SCFD2: variants seen among roughly 807,000 people sequenced by gnomAD.
SCFD2 encodes the protein sec1 family domain-containing protein 2.
Under a neutral mutation model 58.9 loss-of-function variants are expected in SCFD2, and 54 were observed. The observed-to-expected ratio is 0.92, with a 90% CI of 0.74 to 1.15. The LOEUF (loss-of-function observed/expected upper bound fraction) is 1.15. SCFD2 is among the 50% of genes most tolerant of loss of function. The pLI, the probability that SCFD2 is intolerant of heterozygous loss-of-function variation, is 0.00. For synonymous variants in SCFD2, 321 were observed against 335.9 expected, an observed-to-expected ratio of 0.96 and a Z score of 0.49; for missense variants, 805 against 836.6, an observed-to-expected ratio of 0.96 and a Z score of 0.47.
chr4:53,258,476 G>T (rs1182399752), intron 4 of SCFD2, among the ~76,000 whole-genome samples: 2 of 147,776 alleles, frequency 1.4e-5, no homozygotes, highest in Non-Finnish European at 3.0e-5. Flanking sequence ...TTCCATCAAG[G>T]TTGCTGCAAA....
At chr4:52,963,057 C>G (rs1249486450) in intron 5 of SCFD2, among the ~76,000 whole-genome samples, 1 of 152,126 alleles carries the variant, frequency 6.6e-6, no homozygotes, top group African/African-American at 2.4e-5. Context: ...CCTCCCCCAG[C>G]GCAACACACA....
rs146812048 is a variant in SCFD2 at position 52,947,257 on chromosome 4, G to A, written c.1562-26387C>T. Among the ~76,000 whole-genome samples the A allele has an allele frequency of 4.9e-3, 744 of 152,274 alleles. 8 individuals carry two copies. Among genetic ancestry groups the A allele is most frequent in the African/African-American group, 0.017 (705 of 41,558 alleles). ...TCGGAAAGGGCTTTCCATTCACGGG[G>A]AAACTGACAGACAGAAGCCAGAAGT... On this transcript the variant is annotated intron_variant, in intron 5 of 8. Transcript: ENST00000401642.
chr4:53,251,302 G>A (rs568151209), intron 4 of SCFD2, among the ~76,000 whole-genome samples: 2,766 of 152,054 alleles, frequency 0.018, 89 homozygotes, highest in African/African-American at 0.063. Context: ...TCTACCAGAG[G>A]TACAAGGAGG....
rs542395477 is a variant in SCFD2 at position 53,338,186 on chromosome 4, C to G, written c.1007+14412G>C. Among the ~76,000 whole-genome samples, 141 of 152,280 alleles carry G rather than the reference C, an allele frequency of 9.3e-4. 1 individual carries two copies. Among genetic ancestry groups the G allele is most frequent in the African/African-American group, 3.2e-3 (132 of 41,536 alleles). ...CATCCAGAACACTAAAATAATAATACATTTGTATTGTTTTAAGCCACTAAA... is the reference window on the plus strand; with the variant it reads ...CATCCAGAACACTAAAATAATAATAGATTTGTATTGTTTTAAGCCACTAAA... On this transcript the variant is annotated intron_variant, in intron 2 of 8. Transcript: ENST00000401642.
chr4:53,271,943 C>T (rs1223697150), intron 4 of SCFD2, among the ~76,000 whole-genome samples: 1 of 152,108 alleles, frequency 6.6e-6, no homozygotes, highest in Admixed American at 6.5e-5. Context: ...AACATTTTTG[C>T]AATCTACTCA....
At chr4:52,949,988 G>A (rs13138062) in intron 5 of SCFD2, 5,796 of 152,266 alleles carry the variant, frequency 0.038, 160 homozygotes, top group Non-Finnish European at 0.059. Context: ...TAGGCAGAAG[G>A]GGTGGACCGA....
chr4:53,252,317 AT>A lies in SCFD2; in HGVS notation c.1311+21508del, dbSNP rs1167075352. Among the ~76,000 whole-genome samples, 4 of 150,162 alleles carry A rather than the reference AT, an allele frequency of 2.7e-5. No homozygotes were observed. The East Asian group carries it at 7.8e-4, about 29-fold the overall frequency. The stretch of plus-strand genomic sequence containing the variant: ...GAAAATGGCCATACTGCCCAAGGTA[AT>A]TTACAGATTCAGTGCCATCCCCATC... On this transcript the variant is annotated intron_variant, in intron 4 of 8. Coordinates refer to ENST00000401642, the MANE Select transcript of SCFD2 (RefSeq NM_152540.4).
At chr4:53,232,781 C>G (rs1398910870) in intron 4 of SCFD2, among the ~76,000 whole-genome samples, 2 of 152,250 alleles carry the variant, frequency 1.3e-5, no homozygotes, top group Non-Finnish European at 1.5e-5. Context: ...TCAACACATT[C>G]TGGAGAAAAA....
chr4:53,262,175 A>G (rs1482671914), intron 4 of SCFD2, among the ~76,000 whole-genome samples: 1 of 152,220 alleles, frequency 6.6e-6, no homozygotes, highest in Non-Finnish European at 1.5e-5. Flanking sequence ...TGAAGACAGC[A>G]GAAACTTGGT....
chr4:53,152,542 G>T (rs538571085), intron 4 of SCFD2, among the ~76,000 whole-genome samples: 1 of 152,226 alleles, frequency 6.6e-6, no homozygotes, highest in African/African-American at 2.4e-5. Context: ...TCATTCTTAG[G>T]TATAGGGGTT....
At chr4:53,208,649 C>A (rs1393893729) in intron 4 of SCFD2, among the ~76,000 whole-genome samples, 4 of 152,170 alleles carry the variant, frequency 2.6e-5, no homozygotes, top group Non-Finnish European at 4.4e-5. Flanking sequence ...AGTGCTCTTA[C>A]CTCCCAGTCA....
chr4:52,935,814 T>C (rs916737247), intron 5 of SCFD2, among the ~76,000 whole-genome samples: 1 of 152,102 alleles, frequency 6.6e-6, no homozygotes, highest in African/African-American at 2.4e-5. Flanking sequence ...AAGCAACACA[T>C]ATCTATCTCA....
At chr4:53,292,265 A>C (rs1418666479) in intron 3 of SCFD2, among the ~76,000 whole-genome samples, 2 of 152,154 alleles carry the variant, frequency 1.3e-5, no homozygotes, top group African/African-American at 4.8e-5. Flanking sequence ...CAAACACACA[A>C]TCTACAGAAT....
chr4:53,186,803 G>A (rs765027453), intron 4 of SCFD2, among the ~76,000 whole-genome samples: 1 of 151,898 alleles, frequency 6.6e-6, no homozygotes, highest in African/African-American at 2.4e-5. Flanking sequence ...TAGGCTACAT[G>A]GTTTTGATTC....
intron 4 of SCFD2, among the ~76,000 whole-genome samples, chr4:53,188,264 C>G (rs754816720): frequency 6.6e-6 from 1 of 152,092 alleles, no homozygotes; most frequent in African/African-American, 2.4e-5. Context: ...GAAACACTTC[C>G]AATCTGTGTT....
At chr4:53,133,376 G>GT (rs1439985422) in intron 5 of SCFD2, among the ~76,000 whole-genome samples, 15 of 150,072 alleles carry the variant, frequency 1.0e-4, no homozygotes, top group Admixed American at 2.7e-4. Context: ...TACTTCATAT[G>GT]TTATAAAGAA....
chr4:52,879,646 T>C (rs1181063257), intron 8 of SCFD2, among the ~76,000 whole-genome samples: 1 of 152,218 alleles, frequency 6.6e-6, no homozygotes, highest in Non-Finnish European at 1.5e-5. Context: ...TGTTCGGTCT[T>C]TGTTCTCAGG....
chr4:53,033,977 T>A (rs934065226), intron 5 of SCFD2, among the ~76,000 whole-genome samples: 2 of 152,178 alleles, frequency 1.3e-5, no homozygotes, highest in African/African-American at 4.8e-5. Flanking sequence ...GCCAGAATCA[T>A]CCTGATACCA....
Position 52,885,837 on chromosome 4 carries a change from G to C in SCFD2, c.1872C>G (p.Pro624=), listed in dbSNP as rs374773680. 1.2e-6 allele frequency: 2 copies of C among 1,613,950 alleles called. No homozygotes were observed. Among genetic ancestry groups the C allele is most frequent in the East Asian group, 2.2e-5 (1 of 44,892 alleles). The change falls in exon 8 of 9, where the codon CCC becomes CCG. Residue 624 remains proline (P), a synonymous_variant. Transcript: ENST00000401642. ...KVSRPHPSDY[P]LLILFVVGGV... ...CACCTACCACAAAGAGGATCAGGAG[G>C]GGGTAGTCACTAGGATGAGGCCGGC...
Sources: allele counts gnomAD v4.1 joint callset (sites outside exome capture counted in the v4.1 genomes callset), GRCh38; gene constraint gnomAD v4.1.1; transcripts MANE v1.5; gene names NCBI Gene and HGNC (gene_info 2026-07-23, HGNC 2026-07-21).